The following PBX1 variants were observed in gnomAD, a reference collection of about 807,000 sequenced individuals.
The protein encoded by PBX1 is pre-B-cell leukemia transcription factor 1.
PBX1 carries 6 observed loss-of-function variants against 53.4 expected under a neutral mutation model. The observed-to-expected ratio is 0.11, with a 90% CI of 0.06 to 0.22. The LOEUF (loss-of-function observed/expected upper bound fraction) is 0.22, where lower values mean the gene tolerates loss of function less well. Ranked by LOEUF, PBX1 falls within the 10% of genes least tolerant of loss-of-function variation. The pLI is 1.00. For synonymous variants in PBX1, 204 were observed against 212.3 expected, an observed-to-expected ratio of 0.96 and a Z score of 0.34; for missense variants, 251 against 551.4, an observed-to-expected ratio of 0.46 and a Z score of 5.46.
Position 164,748,310 on chromosome 1 carries a change from G to C in PBX1, c.266-44184G>C, listed in dbSNP as rs544560168. On this transcript the variant is annotated intron_variant, in intron 2 of 8. Transcript: ENST00000420696. ...GTTCGACTGACTTTCCTCGCCTCACGTTTCCTGCTGGCTTCTAGAAGCAGT... is the reference window on the plus strand; with the variant it reads ...GTTCGACTGACTTTCCTCGCCTCACCTTTCCTGCTGGCTTCTAGAAGCAGT... Among the ~76,000 whole-genome samples, 3 of 152,242 alleles carry C rather than the reference G, an allele frequency of 2.0e-5. No homozygotes were observed. In the East Asian group the frequency reaches 5.8e-4, roughly 29 times the overall value.
chr1:164,721,597 G>C (rs758816982), intron 2 of PBX1, among the ~76,000 whole-genome samples: 1 of 152,124 alleles, frequency 6.6e-6, no homozygotes, highest in African/African-American at 2.4e-5. Context: ...CATTTATCTA[G>C]CTTCTCTCAC....
intron 2 of PBX1, among the ~76,000 whole-genome samples, chr1:164,778,082 T>G (rs1411124494): frequency 2.6e-5 from 4 of 152,176 alleles, no homozygotes; most frequent in Non-Finnish European, 5.9e-5. Flanking sequence ...GGTGGCCCCA[T>G]AATTCTGGTT....
chr1:164,630,835 C>T (rs1658364027), intron 2 of PBX1: 1 of 152,144 alleles, frequency 6.6e-6, no homozygotes, highest in Non-Finnish European at 1.5e-5. Flanking sequence ...TTAATCATTC[C>T]CTTCACAGTT....
At chr1:164,685,078 C>T (rs1447201890) in intron 2 of PBX1, 1 of 152,168 alleles carries the variant, frequency 6.6e-6, no homozygotes, top group Non-Finnish European at 1.5e-5. Flanking sequence ...TTAATGACTT[C>T]CTCAAGGACA....
At chr1:164,821,475 C>A in intron 7 of PBX1, 62 bp from the exon 8 acceptor site, 1 of 1,255,426 alleles carries the variant, frequency 8.0e-7, no homozygotes, top group South Asian at 1.2e-5. Flanking sequence ...TGATGATGAT[C>A]TGCCTCCCTT....
intron 2 of PBX1, among the ~76,000 whole-genome samples, chr1:164,690,644 AT>A (rs1325311372): frequency 3.3e-5 from 5 of 151,416 alleles, no homozygotes; most frequent in Non-Finnish European, 5.9e-5. Context: ...AAAAAAAAAA[AT>A]CTTTTTTCTG....
At chr1:164,613,409 T>C (rs1403110266) in intron 2 of PBX1, among the ~76,000 whole-genome samples, 6 of 152,198 alleles carry the variant, frequency 3.9e-5, no homozygotes, top group African/African-American at 1.4e-4. Flanking sequence ...TTCTCTGCCT[T>C]GAATTCATTC....
intron 3 of PBX1, among the ~76,000 whole-genome samples, chr1:164,798,521 A>G (rs1272878127): frequency 6.6e-6 from 1 of 152,236 alleles, no homozygotes; most frequent in East Asian, 1.9e-4. Flanking sequence ...GAGTAAGTTC[A>G]GACTCTAGGA....
At chr1:164,594,950 C>T (rs1328990554) in intron 2 of PBX1, among the ~76,000 whole-genome samples, 1 of 152,206 alleles carries the variant, frequency 6.6e-6, no homozygotes, top group Non-Finnish European at 1.5e-5. Context: ...ACACGTCTCC[C>T]TCCAGAGCTC....
chr1:164,770,949 G>A lies in PBX1; in HGVS notation c.266-21545G>A, dbSNP rs150608493. ...TTAAATTTAAAGTCAGCATTCTCCT[G>A]ATTCTGTTTCCTAAAGGTTCCAGCT... On this transcript the variant is annotated intron_variant, in intron 2 of 8. Coordinates refer to ENST00000420696, the MANE Select transcript of PBX1 (RefSeq NM_002585.4). The A allele has an allele frequency of 3.8e-4, 58 of 152,194 alleles. 1 individual carries two copies. The highest frequency in any genetic ancestry group is 1.4e-3 in the African/African-American group (58 of 41,550). The allele number at this position is 152,194 out of a possible 1,614,324, so 9.4% of individuals were successfully genotyped here.
In PBX1 at chr1:164,868,611, A is replaced by G. The variant is rs138165527; in HGVS notation, n.258-30577A>G. Among the ~76,000 whole-genome samples the G allele has an allele frequency of 9.6e-3, 1,462 of 152,350 alleles. 27 individuals carry two copies. The highest frequency in any genetic ancestry group is 0.036 in the South Asian group (176 of 4,828). On this transcript the variant is annotated intron_variant and non_coding_transcript_variant, in intron 2 of 2. Coordinates refer to the PBX1 transcript ENST00000558796. ...AAATGCCTGGATTTGGATAACGAGC[A>G]TGAAGAAAATCTTTGTCTTCTGTCT... is the stretch of plus-strand genomic sequence containing the variant.
At position 164,814,308 on chromosome 1, in the gene PBX1, G is replaced by A. The variant is rs541142394; in HGVS notation, c.997+2159G>A. The A allele has an allele frequency of 2.0e-5, 3 of 152,252 alleles. No homozygotes were observed. The South Asian group carries it at 6.2e-4, about 32-fold the overall frequency. 9.4% of individuals were successfully genotyped at this position (152,252 alleles called of 1,614,324 possible). On this transcript the variant is annotated intron_variant, in intron 6 of 8. Coordinates refer to ENST00000420696, the MANE Select transcript of PBX1 (RefSeq NM_002585.4). ...AATTGAAATAAATTTTAAATAAGAG[G>A]TTAATATGTGAAAATATATTTTGGC...
At chr1:164,714,353 G>T (rs1663970457) in intron 2 of PBX1, among the ~76,000 whole-genome samples, 1 of 152,186 alleles carries the variant, frequency 6.6e-6, no homozygotes, top group Admixed American at 6.5e-5. Flanking sequence ...GCCCCCGTTT[G>T]TCACATCACA....
chr1:164,849,149 G>A lies in PBX1; in HGVS notation c.*2473G>A. The A allele has an allele frequency of 7.2e-7, 1 of 1,389,398 alleles. No individual in the cohort carries two copies. Among genetic ancestry groups the A allele is most frequent in the Non-Finnish European group, 9.3e-7 (1 of 1,072,086 alleles). 86.1% of individuals were successfully genotyped at this position (1,389,398 alleles called of 1,614,324 possible). The stretch of plus-strand genomic sequence containing the variant: ...GGCAAAGTACGAAAGAGAGACAAAA[G>A]GGTTCTCTTGGAAACAAGAAGAGTG... On this transcript the variant is annotated 3_prime_UTR_variant, in exon 9 of 9. Coordinates refer to ENST00000420696, the MANE Select transcript of PBX1 (RefSeq NM_002585.4).
chr1:164,643,654 G>A (rs1327919653), intron 2 of PBX1, among the ~76,000 whole-genome samples: 1 of 152,096 alleles, frequency 6.6e-6, no homozygotes, highest in Non-Finnish European at 1.5e-5. Context: ...ACAACCTTTT[G>A]GATACTTATG....
At chr1:164,738,179 T>G (rs1024363680) in intron 2 of PBX1, among the ~76,000 whole-genome samples, 1 of 152,162 alleles carries the variant, frequency 6.6e-6, no homozygotes, top group Non-Finnish European at 1.5e-5. Flanking sequence ...TCATTTACAG[T>G]TTGGGGTTCT....
intron 2 of PBX1, among the ~76,000 whole-genome samples, chr1:164,866,864 C>G (rs959545603): frequency 6.6e-6 from 1 of 152,128 alleles, no homozygotes; most frequent in Non-Finnish European, 1.5e-5. Context: ...TCCCCTGGCC[C>G]ATTTCTCCTC....
intron 2 of PBX1, among the ~76,000 whole-genome samples, chr1:164,579,631 G>A (rs541053516): frequency 1.3e-5 from 2 of 152,306 alleles, no homozygotes; most frequent in African/African-American, 4.8e-5. Context: ...CTGGCTGTCA[G>A]TCGAAGAAGG....
intron 2 of PBX1, among the ~76,000 whole-genome samples, chr1:164,690,320 C>T (rs2102020813): frequency 6.6e-6 from 1 of 152,194 alleles, no homozygotes; most frequent in African/African-American, 2.4e-5. Flanking sequence ...AATAGAGAGG[C>T]CTCTGTGCTT....
Sources: gnomAD v4.1 joint callset for allele counts (sites outside exome capture counted in the v4.1 genomes callset) on GRCh38, gnomAD v4.1.1 for gene constraint, MANE v1.5 for transcripts, NCBI Gene and HGNC (gene_info 2026-07-23, HGNC 2026-07-21) for gene names.